JPT2: variants seen among roughly 807,000 people sequenced by gnomAD.
JPT2 encodes CRAMP_1 like.
In JPT2, 9 loss-of-function variants were observed where a neutral mutation model predicts 15.9. The observed-to-expected ratio is 0.57, with a 90% CI of 0.34 to 0.99. The LOEUF (loss-of-function observed/expected upper bound fraction) is 0.99, where lower values mean the gene tolerates loss of function less well. JPT2 is among the 50% of genes least tolerant of loss of function. JPT2 has a pLI of 0.02. For synonymous variants in JPT2, 95 were observed against 91.7 expected, an observed-to-expected ratio of 1.04 and a Z score of -0.21; for missense variants, 267 against 252.1, an observed-to-expected ratio of 1.06 and a Z score of -0.40.
downstream of JPT2, among the ~76,000 whole-genome samples, chr16:1,702,790 G>GC (rs2037187647): frequency 1.3e-5 from 2 of 152,176 alleles, no homozygotes; most frequent in Non-Finnish European, 2.9e-5. Context: ...AACATCACAG[G>GC]GAACTGTGTG....
At chr16:1,697,121 A>G (rs956988474) in intron 3 of JPT2, among the ~76,000 whole-genome samples, 2 of 152,256 alleles carry the variant, frequency 1.3e-5, no homozygotes, top group Non-Finnish European at 2.9e-5. Context: ...TTACTCAGCC[A>G]TAGAAAGGAA....
At chr16:1,696,776 A>G (rs554974030) in intron 3 of JPT2, among the ~76,000 whole-genome samples, 3 of 152,304 alleles carry the variant, frequency 2.0e-5, no homozygotes, top group Admixed American at 2.0e-4. Context: ...AACCCGTGAG[A>G]TGCCAGTGCA....
Position 1,691,883 on chromosome 16 carries a change from G to A in JPT2, c.234G>A (p.Val78=). The change falls in exon 3 of 5, where the codon GTG becomes GTA. Residue 78 remains valine (V), a synonymous_variant. Coordinates refer to ENST00000248098, the MANE Select transcript of JPT2 (RefSeq NM_144570.3). ...GSGIFDESTP[V]QTRQHLNPPG... ...GTATCTTTGACGAATCAACCCCCGTGCAGACTCGACAGCACCTGAACCCAC... is the reference window on the plus strand; with the variant it reads ...GTATCTTTGACGAATCAACCCCCGTACAGACTCGACAGCACCTGAACCCAC... The A allele has an allele frequency of 1.9e-6, 3 of 1,614,140 alleles. No homozygotes were observed. Among genetic ancestry groups the A allele is most frequent in the Non-Finnish European group, 1.7e-6 (2 of 1,180,032 alleles).
intron 3 of JPT2, among the ~76,000 whole-genome samples, chr16:1,692,872 G>C (rs998404166): frequency 2.0e-5 from 3 of 152,180 alleles, no homozygotes; most frequent in Middle Eastern, 3.2e-3. Context: ...ACTGCTGCAT[G>C]TTTATTGGTT....
Position 1,701,458 on chromosome 16 carries a change from A to T in JPT2, c.*2460A>T, listed in dbSNP as rs1395477461. 1 of 152,222 alleles carries T rather than the reference A, an allele frequency of 6.6e-6. No individual in the cohort carries two copies. The highest frequency in any genetic ancestry group is 1.5e-5 in the Non-Finnish European group (1 of 68,052). The allele number at this position is 152,222 out of a possible 1,614,324, so 9.4% of individuals were successfully genotyped here. A position where few individuals can be genotyped will look rare whatever the true frequency, so the allele number is the denominator to read the frequency against. On this transcript the variant is annotated 3_prime_UTR_variant, in exon 5 of 5. Coordinates refer to ENST00000248098, the MANE Select transcript of JPT2 (RefSeq NM_144570.3). ...TGCCTGTCAGTTGTGTGTGTCCCTT[A>T]TAGTCCCTTCCCCCACAGCTCTTGC...
chr16:1,678,381 C>A, intron 1 of JPT2, 25 bp downstream of exon 1: 1 of 1,053,726 alleles, frequency 9.5e-7, no homozygotes, highest in Non-Finnish European at 1.1e-6. Context: ...ACACGGGAGG[C>A]GGGCGGATAG....
At chr16:1,686,705 A>T (rs2037069405) in intron 2 of JPT2, 1 of 152,180 alleles carries the variant, frequency 6.6e-6, no homozygotes, top group African/African-American at 2.4e-5. Flanking sequence ...AAAAAAAAAA[A>T]AATAGAAAAA....
At chr16:1,683,429 C>A in intron 1 of JPT2, 1 of 924,652 alleles carries the variant, frequency 1.1e-6, no homozygotes, top group Non-Finnish European at 1.7e-6. Flanking sequence ...CTCATTTAAG[C>A]TTGGTTATTG....
chr16:1,689,572 TCACC>T, intron 2 of JPT2: 1 of 152,304 alleles, frequency 6.6e-6, no homozygotes, highest in African/African-American at 2.4e-5. Flanking sequence ...GGCAGTCCTC[TCACC>T]TCAACCTTCT....
intron 3 of JPT2, 58 bp from the exon 4 acceptor site, chr16:1,697,754 T>A (rs1350741007): frequency 1.2e-5 from 19 of 1,531,374 alleles, no homozygotes; most frequent in Non-Finnish European, 1.7e-5. Context: ...CATTGTCCAT[T>A]TGAATGAGGG....
At chr16:1,684,435 T>G (rs1386268599) in intron 1 of JPT2, among the ~76,000 whole-genome samples, 2 of 152,156 alleles carry the variant, frequency 1.3e-5, no homozygotes, top group Non-Finnish European at 2.9e-5. Flanking sequence ...AAGTTTAAGT[T>G]TTTACAATAA....
chr16:1,698,991 TCTA>T lies in JPT2; in HGVS notation c.570_572del (p.Tyr190del), dbSNP rs758800172. On this transcript the variant is annotated inframe_deletion, in exon 5 of 5. Transcript: ENST00000248098. The surrounding 1 kb of genome is among the most constrained non-coding windows in gnomAD (Gnocchi z 4.9). ...CCGGGAGGCAAATCCAGCATCTCCT[TCTA>T]CTAAGAGAAGCCACTGCTCCACCCG... 1 of 1,612,422 alleles carries T rather than the reference TCTA, an allele frequency of 6.2e-7. No homozygotes were observed. Among genetic ancestry groups the T allele is most frequent in the Non-Finnish European group, 8.5e-7 (1 of 1,179,050 alleles).
At chr16:1,688,511 GTGTTTACCATTCT>G (rs1181705046) in intron 2 of JPT2, 1 of 152,228 alleles carries the variant, frequency 6.6e-6, no homozygotes, top group Admixed American at 6.5e-5. Flanking sequence ...GCATTGCCTG[GTGTTTACCATTCT>G]TGTGTATGTG....
Position 1,700,669 on chromosome 16 carries a change from ACACTT to A in JPT2, c.*1674_*1678del, listed in dbSNP as rs1159259036. 6.5e-6 allele frequency: 1 copy of A among 154,118 alleles called. No homozygotes were observed. Among genetic ancestry groups the A allele is most frequent in the Non-Finnish European group, 1.5e-5 (1 of 68,952 alleles). 9.5% of individuals were successfully genotyped at this position (154,118 alleles called of 1,614,324 possible). On this transcript the variant is annotated 3_prime_UTR_variant, in exon 5 of 5. Transcript: ENST00000248098. ...AGAAACACTCTGTGTGACTCTACACACACTTCAGGTGGTTTGTGCTTCAAAGTCAT... is the reference window on the plus strand; with the variant it reads ...AGAAACACTCTGTGTGACTCTACACACAGGTGGTTTGTGCTTCAAAGTCAT...
chr16:1,700,342 G>T lies in JPT2; in HGVS notation c.*1344G>T, dbSNP rs1205787801. ...TGCCCATCCCCCTCAAGGGCTGCAG[G>T]CCCAGTTCTCATGCTGCCCTTGGGT... On this transcript the variant is annotated 3_prime_UTR_variant, in exon 5 of 5. Coordinates refer to ENST00000248098, the MANE Select transcript of JPT2 (RefSeq NM_144570.3). The T allele has an allele frequency of 3.1e-6, 1 of 324,532 alleles. No individual in the cohort carries two copies. Among genetic ancestry groups the T allele is most frequent in the Admixed American group, 3.6e-5 (1 of 27,714 alleles). 20.1% of individuals were successfully genotyped at this position (324,532 alleles called of 1,614,324 possible).
At position 1,697,879 on chromosome 16, in the gene JPT2, T is replaced by A. The variant is rs1258264997; in HGVS notation, c.385+19T>A. ...CTTAAAGGTGAGCTTTTGTTTTCTTTCCCTTCTCCTGAGTGGCCTCATTAT... is the reference window on the plus strand; with the variant it reads ...CTTAAAGGTGAGCTTTTGTTTTCTTACCCTTCTCCTGAGTGGCCTCATTAT... On this transcript the variant is annotated intron_variant, in intron 4 of 4. Coordinates refer to ENST00000248098, the MANE Select transcript of JPT2 (RefSeq NM_144570.3). The A allele has an allele frequency of 6.2e-7, 1 of 1,610,196 alleles. No homozygotes were observed. Among genetic ancestry groups the A allele is most frequent in the South Asian group, 1.1e-5 (1 of 90,844 alleles).
intron 1 of JPT2, among the ~76,000 whole-genome samples, chr16:1,684,890 G>A (rs1284525953): frequency 2.0e-5 from 3 of 147,430 alleles, no homozygotes; most frequent in African/African-American, 5.0e-5. Context: ...CAGCCTGGGC[G>A]ACAGAGCGAG....
At chr16:1,678,865 G>GGT (rs900736344) in intron 1 of JPT2, among the ~76,000 whole-genome samples, 19 of 152,144 alleles carry the variant, frequency 1.2e-4, no homozygotes, top group African/African-American at 3.6e-4. Context: ...CCGTGTCCCT[G>GGT]GTGTGTGTGT....
chr16:1,693,216 C>T (rs962492019), intron 3 of JPT2, among the ~76,000 whole-genome samples: 3 of 152,188 alleles, frequency 2.0e-5, no homozygotes, highest in African/African-American at 7.2e-5. Context: ...TCTGCCTCAG[C>T]GTCCCGAGTA....
Sources: gnomAD v4.1 joint callset for allele counts (sites outside exome capture counted in the v4.1 genomes callset) on GRCh38, gnomAD v4.1.1 for gene constraint, Gnocchi (gnomAD v3.1) non-coding constraint, MANE v1.5 for transcripts, NCBI Gene and HGNC (gene_info 2026-07-23, HGNC 2026-07-21) for gene names.